Variants in CD9 observed in about 807,000 individuals in gnomAD.
CD9 encodes the protein CD9 antigen.
In CD9, 10 loss-of-function variants were observed where a neutral mutation model predicts 31.4. The observed-to-expected ratio is 0.32, with a 90% CI of 0.20 to 0.54. The LOEUF (loss-of-function observed/expected upper bound fraction) is 0.54, where lower values mean the gene tolerates loss of function less well. CD9 is among the 20% of genes least tolerant of loss of function. CD9 has a pLI of 0.94. For missense variants in CD9, 259 were observed against 300.1 expected (o/e 0.86, Z 1.01); for synonymous variants, 113 against 114.1 (o/e 0.99, Z 0.06).
intron 5 of CD9, 25 bp from the exon 6 acceptor site, chr12:6,235,450 TC>T: frequency 3.1e-6 from 5 of 1,613,660 alleles, no homozygotes; most frequent in Non-Finnish European, 4.2e-6. Context: ...GTTTCTCTCA[TC>T]CCCATCCCTG....
chr12:6,224,588 C>T (rs567230196), intron 1 of CD9, among the ~76,000 whole-genome samples: 2 of 152,304 alleles, frequency 1.3e-5, no homozygotes, highest in Non-Finnish European at 2.9e-5. Context: ...CATAAGAGTG[C>T]CTCTGTTGAG....
At chr12:6,210,619 C>T (rs1027787488) in intron 1 of CD9, among the ~76,000 whole-genome samples, 9 of 152,048 alleles carry the variant, frequency 5.9e-5, no homozygotes, top group African/African-American at 2.2e-4. Context: ...CCCTTGTGGC[C>T]TTTAAAGATC....
chr12:6,215,869 C>A (rs1005974179), intron 1 of CD9, among the ~76,000 whole-genome samples: 5 of 152,244 alleles, frequency 3.3e-5, no homozygotes, highest in Non-Finnish European at 7.3e-5. Flanking sequence ...GCAATTTCTT[C>A]TGCTGATTAC....
chr12:6,232,947 G>C lies in CD9; in HGVS notation c.273+218G>C, dbSNP rs1392749074. On this transcript the variant is annotated intron_variant, in intron 3 of 7. Coordinates refer to ENST00000009180, the MANE Select transcript of CD9 (RefSeq NM_001769.4). The surrounding 1 kb of genome is among the most constrained non-coding windows in gnomAD (Gnocchi z 4.8). ...TATCGCTTCCCCTAGGCAACTAAAA[G>C]GACTATGTTTCCCCCTTTTCTCGAG... 2 of 702,398 alleles carry C rather than the reference G, an allele frequency of 2.8e-6. No homozygotes were observed. Among genetic ancestry groups the C allele is most frequent in the Non-Finnish European group, 5.2e-6 (2 of 384,898 alleles). The allele number at this position is 702,398 out of a possible 1,614,324, so 43.5% of individuals were successfully genotyped here. A position where few individuals can be genotyped will look rare whatever the true frequency, so the allele number is the denominator to read the frequency against.
chr12:6,236,139 T>C, intron 6 of CD9, 53 bp from the exon 7 acceptor site: 1 of 1,605,018 alleles, frequency 6.2e-7, no homozygotes, highest in South Asian at 1.1e-5. Flanking sequence ...AGGGAGGAGG[T>C]GCCCTGGGAG....
chr12:6,206,326 G>T (rs796612716), intron 1 of CD9, among the ~76,000 whole-genome samples: 17 of 151,706 alleles, frequency 1.1e-4, no homozygotes, highest in Admixed American at 3.9e-4. Flanking sequence ...CAGCTCAGGC[G>T]ATCCTCACAC....
At chr12:6,229,786 G>A (rs1216677443) in intron 2 of CD9, among the ~76,000 whole-genome samples, 1 of 151,690 alleles carries the variant, frequency 6.6e-6, no homozygotes, top group Non-Finnish European at 1.5e-5. Context: ...TAAAGGACAC[G>A]CTGGCATATG....
At chr12:6,206,398 T>A (rs1424717381) in intron 1 of CD9, among the ~76,000 whole-genome samples, 1 of 152,088 alleles carries the variant, frequency 6.6e-6, no homozygotes, top group Non-Finnish European at 1.5e-5. Context: ...AACCTTTTAA[T>A]TTTTTTGTAG....
intron 7 of CD9, chr12:6,236,480 T>G: frequency 1.7e-6 from 1 of 590,110 alleles, no homozygotes; most frequent in East Asian, 2.8e-5. Flanking sequence ...GAGTGGAGTA[T>G]CTGAGGCTCC....
intron 2 of CD9, among the ~76,000 whole-genome samples, chr12:6,231,454 G>A (rs936501531): frequency 1.3e-5 from 2 of 152,230 alleles, no homozygotes; most frequent in Non-Finnish European, 2.9e-5. Context: ...GAACATGCCT[G>A]CAAGACAGGG....
At chr12:6,204,124 C>A (rs1440690224) in intron 1 of CD9, among the ~76,000 whole-genome samples, 1 of 152,172 alleles carries the variant, frequency 6.6e-6, no homozygotes, top group Non-Finnish European at 1.5e-5. Context: ...TTGGGTTGGT[C>A]ACTTCTGTGC....
intron 1 of CD9, among the ~76,000 whole-genome samples, chr12:6,222,839 G>A (rs955033849): frequency 2.6e-5 from 4 of 152,206 alleles, no homozygotes; most frequent in African/African-American, 7.2e-5. Flanking sequence ...TGTGCAGAGC[G>A]TAGCTTTACC....
intron 1 of CD9, among the ~76,000 whole-genome samples, chr12:6,221,710 T>C (rs1481096469): frequency 1.3e-5 from 2 of 149,248 alleles, no homozygotes; most frequent in Non-Finnish European, 2.9e-5. Context: ...GCGCAGTGGC[T>C]CACACCTGTA....
chr12:6,225,234 C>T (rs1946347701), intron 1 of CD9, 192 bp from the exon 2 acceptor site: 21 of 577,006 alleles, frequency 3.6e-5, no homozygotes, highest in Non-Finnish European at 1.9e-5. Flanking sequence ...GTTTATTCCT[C>T]GCTTGCTGGT....
intron 1 of CD9, among the ~76,000 whole-genome samples, chr12:6,220,877 T>C (rs1946285814): frequency 6.6e-6 from 1 of 152,224 alleles, no homozygotes; most frequent in African/African-American, 2.4e-5. Flanking sequence ...GTACATTCTG[T>C]TAACTGAGCT....
intron 1 of CD9, among the ~76,000 whole-genome samples, chr12:6,224,056 CGGCTGAGA>C (rs1946329654): frequency 1.3e-5 from 2 of 152,132 alleles, no homozygotes; most frequent in South Asian, 4.1e-4. Context: ...CCCTAAGGTG[CGGCTGAGA>C]GGCTGAGAAG....
chr12:6,221,557 G>A lies in CD9; in HGVS notation c.67-3869G>A, dbSNP rs1387101559. Among the ~76,000 whole-genome samples, 3 of 152,092 alleles carry A rather than the reference G, an allele frequency of 2.0e-5. No individual in the cohort carries two copies. In the East Asian group the frequency reaches 5.8e-4, roughly 29 times the overall value. The stretch of plus-strand genomic sequence containing the variant: ...CTGGGTGGAAGCCATCGACCCCTTG[G>A]CCTCCCGGACTCCTATATTCTCATT... On this transcript the variant is annotated intron_variant, in intron 1 of 7. Coordinates refer to ENST00000009180, the MANE Select transcript of CD9 (RefSeq NM_001769.4).
chr12:6,225,671 C>T (rs1946355945), intron 2 of CD9, 137 bp downstream of exon 2: 1 of 606,622 alleles, frequency 1.6e-6, no homozygotes, highest in Non-Finnish European at 2.9e-6. Flanking sequence ...AGTCGTGTCC[C>T]TTTCAAGTTG....
chr12:6,207,502 A>G (rs1338971758), intron 1 of CD9, among the ~76,000 whole-genome samples: 1 of 152,240 alleles, frequency 6.6e-6, no homozygotes, highest in African/African-American at 2.4e-5. Context: ...GAAAAATGCA[A>G]CTGTATGATC....
Sources: allele counts gnomAD v4.1 joint callset (sites outside exome capture counted in the v4.1 genomes callset), GRCh38; gene constraint gnomAD v4.1.1; non-coding constraint Gnocchi (gnomAD v3.1); transcripts MANE v1.5; gene names NCBI Gene and HGNC (gene_info 2026-07-23, HGNC 2026-07-21).